The following MANEA variants were observed in gnomAD, a reference collection of about 807,000 sequenced individuals.
MANEA encodes glycoprotein endo-alpha-1,2-mannosidase.
MANEA carries 25 observed loss-of-function variants against 36.8 expected under a neutral mutation model. That is an observed-to-expected ratio of 0.68 (90% CI 0.50 to 0.95). The LOEUF (loss-of-function observed/expected upper bound fraction) is 0.95, where lower values mean the gene tolerates loss of function less well. Ranked by LOEUF, MANEA falls within the 40% of genes least tolerant of loss-of-function variation. The probability of loss-of-function intolerance (pLI) is 0.00; values close to 1 mark genes in which losing one functional copy is unlikely to be tolerated. For missense variants in MANEA, 565 were observed against 558.8 expected (o/e 1.01, Z -0.11); for synonymous variants, 198 against 188.5 (o/e 1.05, Z -0.41).
chr6:95,599,416 CAA>C (rs11294845), intron 3 of MANEA, among the ~76,000 whole-genome samples: 152 of 134,142 alleles, frequency 1.1e-3, no homozygotes, highest in South Asian at 2.6e-3. Context: ...GAGTCTATCT[CAA>C]AAAAAAAAAA....
At chr6:95,600,091 A>G (rs757627208) in intron 3 of MANEA, among the ~76,000 whole-genome samples, 5 of 152,142 alleles carry the variant, frequency 3.3e-5, no homozygotes, top group Non-Finnish European at 7.3e-5. Context: ...GTTATGATAT[A>G]TGAGGATTGG....
intron 2 of MANEA, chr6:95,589,990 AT>A (rs1240295113): frequency 6.6e-6 from 1 of 152,126 alleles, no homozygotes; most frequent in East Asian, 1.9e-4. Context: ...CCCTGTTGCT[AT>A]CTTTGAAGAT....
chr6:95,582,474 C>T (rs867712090), intron 1 of MANEA, among the ~76,000 whole-genome samples: 3 of 152,042 alleles, frequency 2.0e-5, no homozygotes, highest in African/African-American at 4.8e-5. Flanking sequence ...TGAGCCACCA[C>T]GCCCAGCCCA....
intron 3 of MANEA, among the ~76,000 whole-genome samples, chr6:95,602,361 C>G (rs1051368106): frequency 2.0e-5 from 3 of 152,128 alleles, no homozygotes; most frequent in Non-Finnish European, 4.4e-5. Context: ...GGTATTATGG[C>G]ACCACATAGG....
chr6:95,604,858 G>A lies in MANEA; in HGVS notation c.686G>A (p.Arg229Gln), dbSNP rs151013794. 13 of 1,485,076 alleles carry A rather than the reference G, an allele frequency of 8.8e-6. 1 individual carries two copies. The highest frequency in any genetic ancestry group is 4.9e-5 in the East Asian group (2 of 40,702). The allele number at this position is 1,485,076 out of a possible 1,614,324, so 92.0% of individuals were successfully genotyped here. A position where few individuals can be genotyped will look rare whatever the true frequency, so the allele number is the denominator to read the frequency against. Residue 229 changes from arginine to glutamine, a missense_variant, in exon 4 of 5, where the codon CGA becomes CAA. Arg to Gln is a conservative substitution (Grantham distance 43). Transcript: ENST00000358812. ...TTTCACATAGAACCATATAGCAATC[G>A]AGATGATCAAAACATGTACAAAAAT... is the stretch of plus-strand genomic sequence containing the variant. ...VTFHIEPYSN[R>Q]DDQNMYKNVK...
chr6:95,583,372 C>A (rs1769217610), intron 1 of MANEA, among the ~76,000 whole-genome samples: 1 of 151,578 alleles, frequency 6.6e-6, no homozygotes, highest in African/African-American at 2.4e-5. Context: ...TGACATGTAT[C>A]CATATATAAC....
chr6:95,601,926 T>G (rs1769601661), intron 3 of MANEA, among the ~76,000 whole-genome samples: 1 of 152,286 alleles, frequency 6.6e-6, no homozygotes, highest in East Asian at 1.9e-4. Context: ...TCATTTTATC[T>G]GCTTTTCAGG....
chr6:95,585,646 T>A (rs549932583), intron 1 of MANEA, among the ~76,000 whole-genome samples: 2 of 152,342 alleles, frequency 1.3e-5, no homozygotes, highest in Admixed American at 6.5e-5. Flanking sequence ...TGGGAATATC[T>A]TACTTGTGAT....
chr6:95,586,944 A>G lies in MANEA; in HGVS notation c.505A>G (p.Ile169Val). 1 of 1,612,480 alleles carries G rather than the reference A, an allele frequency of 6.2e-7. No individual in the cohort carries two copies. Among genetic ancestry groups the G allele is most frequent in the Non-Finnish European group, 8.5e-7 (1 of 1,179,028 alleles). Residue 169 changes from isoleucine (I) to valine (V), a missense_variant, in exon 2 of 5, where the codon ATA becomes GTA. Physicochemically the swap from Ile to Val is conservative, Grantham distance 29 (BLOSUM62 3). Coordinates refer to ENST00000358812, the MANE Select transcript of MANEA (RefSeq NM_024641.4). ...GSYSSRDPSV[I>V]ETHMRQMRSA... ...TTACAGTTCTCGGGATCCTTCTGTC[A>G]TAGAAACTCACATGAGACAAATGCG...
chr6:95,584,158 T>C (rs1208683973), intron 1 of MANEA, among the ~76,000 whole-genome samples: 1 of 152,220 alleles, frequency 6.6e-6, no homozygotes, highest in Non-Finnish European at 1.5e-5. Flanking sequence ...AAATTGATTG[T>C]AAAACGTGTG....
chr6:95,579,265 CTG>C (rs1184274163), intron 1 of MANEA, among the ~76,000 whole-genome samples: 11 of 152,242 alleles, frequency 7.2e-5, no homozygotes, highest in African/African-American at 2.6e-4. Flanking sequence ...CCCAGCTACT[CTG>C]GAGGCTGAGG....
At chr6:95,584,821 A>ACT (rs1022154730) in intron 1 of MANEA, among the ~76,000 whole-genome samples, 1 of 151,712 alleles carries the variant, frequency 6.6e-6, no homozygotes, top group South Asian at 2.1e-4. Flanking sequence ...CTCTCTTTGT[A>ACT]CTCTCTCTCT....
chr6:95,602,758 C>A (rs1582230124), intron 3 of MANEA, among the ~76,000 whole-genome samples: 1 of 151,862 alleles, frequency 6.6e-6, no homozygotes, highest in Admixed American at 6.6e-5. Context: ...CGGTGGCTCA[C>A]GCCTGTAATC....
intron 1 of MANEA, among the ~76,000 whole-genome samples, chr6:95,579,180 C>T (rs890809572): frequency 6.6e-6 from 1 of 152,116 alleles, no homozygotes; most frequent in Admixed American, 6.6e-5. Context: ...ACCATCCTGG[C>T]CAACCAACAT....
At chr6:95,583,731 T>C (rs564660335) in intron 1 of MANEA, among the ~76,000 whole-genome samples, 11 of 144,668 alleles carry the variant, frequency 7.6e-5, no homozygotes, top group African/African-American at 2.8e-4. Context: ...GGAAAGGAGC[T>C]TTTAAGCTGG....
chr6:95,582,980 T>G (rs1177680549), intron 1 of MANEA, among the ~76,000 whole-genome samples: 2 of 152,230 alleles, frequency 1.3e-5, no homozygotes, highest in African/African-American at 2.4e-5. Flanking sequence ...ATGGCCATAC[T>G]TATTTATCCA....
chr6:95,589,740 A>AGCTAAT (rs1562197262), intron 2 of MANEA, among the ~76,000 whole-genome samples: 1 of 152,236 alleles, frequency 6.6e-6, no homozygotes, highest in East Asian at 1.9e-4. Flanking sequence ...ACTTTAGTAG[A>AGCTAAT]CTGGTCAGAA....
At chr6:95,596,150 G>A (rs537787980) in intron 2 of MANEA, among the ~76,000 whole-genome samples, 3 of 152,096 alleles carry the variant, frequency 2.0e-5, no homozygotes, top group Non-Finnish European at 4.4e-5. Flanking sequence ...AAAATTATAG[G>A]CAGCAAAAAG....
rs1769283439 is a variant in MANEA at position 95,586,463 on chromosome 6, T to G, written c.24T>G (p.Thr8=). Residue 8 remains threonine (T), a synonymous_variant, in exon 2 of 5, where the codon ACT becomes ACG. Transcript: ENST00000358812. MAKFRRR[T]CIILALFILF... ...TCATGGCAAAGTTTCGGAGAAGGACTTGCATCATTTTGGCACTTTTTATTC... is the reference window on the plus strand; with the variant it reads ...TCATGGCAAAGTTTCGGAGAAGGACGTGCATCATTTTGGCACTTTTTATTC... 1.1e-5 allele frequency: 18 copies of G among 1,609,922 alleles called. No homozygotes were observed. In the East Asian group the frequency reaches 3.8e-4, roughly 34 times the overall value.
Sources: gnomAD v4.1 joint callset for allele counts (sites outside exome capture counted in the v4.1 genomes callset) on GRCh38, gnomAD v4.1.1 for gene constraint, MANE v1.5 for transcripts, NCBI Gene and HGNC (gene_info 2026-07-23, HGNC 2026-07-21) for gene names.